Variants in ACTR3C observed in about 807,000 individuals in gnomAD.
The protein encoded by ACTR3C is actin-related protein 3C.
A neutral mutation model predicts 26.3 loss-of-function variants in ACTR3C; 18 were observed. The ratio of observed to expected loss-of-function variants is 0.68; its 90% confidence interval spans 0.47 to 1.01. ACTR3C has a LOEUF of 1.01. Among genes scored for constraint, ACTR3C ranks in the 50% least tolerant of loss-of-function variants. The probability of loss-of-function intolerance (pLI) is 0.00; values close to 1 mark genes in which losing one functional copy is unlikely to be tolerated. For synonymous variants in ACTR3C, 55 were observed against 94.5 expected (o/e 0.58, Z 2.42); for missense variants, 184 against 250.7 (o/e 0.73, Z 1.80).
the ACTR3C span, among the ~76,000 whole-genome samples, chr7:149,918,157 C>T: frequency 6.6e-6 from 1 of 151,884 alleles, no homozygotes; most frequent in Non-Finnish European, 1.5e-5. Context: ...TTCTATTTCT[C>T]CTTCTGAGTA....
the ACTR3C span, among the ~76,000 whole-genome samples, chr7:149,917,139 G>A: frequency 6.7e-6 from 1 of 149,818 alleles, no homozygotes; most frequent in African/African-American, 2.5e-5. Flanking sequence ...GCAATGGCGC[G>A]ATCTTGGCTC....
At chr7:149,914,508 G>T in the ACTR3C span, among the ~76,000 whole-genome samples, 3 of 151,568 alleles carry the variant, frequency 2.0e-5, no homozygotes, top group African/African-American at 7.3e-5. Flanking sequence ...CACAAGAATC[G>T]CGTGAGCCCT....
At chr7:150,299,767 C>G (rs1284246901) in intron 1 of ACTR3C, among the ~76,000 whole-genome samples, 1 of 151,938 alleles carries the variant, frequency 6.6e-6, no homozygotes, top group Non-Finnish European at 1.5e-5. Flanking sequence ...GCCTGGGCAA[C>G]AAGAGTTAAC....
intron 6 of ACTR3C, among the ~76,000 whole-genome samples, chr7:150,280,792 C>T (rs1222052793): frequency 7.1e-6 from 1 of 141,336 alleles, no homozygotes; most frequent in Non-Finnish European, 1.5e-5. Flanking sequence ...AATTTTCCTG[C>T]TCTTGATGTG....
chr7:149,932,729 G>C, the ACTR3C span, among the ~76,000 whole-genome samples: 1 of 144,196 alleles, frequency 6.9e-6, no homozygotes, highest in African/African-American at 2.5e-5. Context: ...GAGGGGAGGG[G>C]AGGGAAGGGG....
the ACTR3C span, among the ~76,000 whole-genome samples, chr7:150,192,786 T>A: frequency 0.023 from 3,442 of 152,322 alleles, 120 homozygotes; most frequent in African/African-American, 0.079. Flanking sequence ...CTTTTGTCCT[T>A]GAATAAGGAA....
At chr7:150,058,034 A>T in the ACTR3C span, among the ~76,000 whole-genome samples, 1 of 152,222 alleles carries the variant, frequency 6.6e-6, no homozygotes, top group African/African-American at 2.4e-5. Flanking sequence ...CTTGTCCCAG[A>T]TTCGGTGACT....
the ACTR3C span, among the ~76,000 whole-genome samples, chr7:149,949,357 G>C: frequency 7.0e-6 from 1 of 142,892 alleles, no homozygotes; most frequent in African/African-American, 3.0e-5. Flanking sequence ...GTTTGAGCGA[G>C]AGTAAGACTC....
the ACTR3C span, among the ~76,000 whole-genome samples, chr7:149,943,903 A>C: frequency 7.5e-6 from 1 of 133,016 alleles, no homozygotes; most frequent in Non-Finnish European, 1.5e-5. Context: ...CCACTTCATC[A>C]GGTTTTATGC....
At chr7:150,250,644 G>A (rs1563145281) in intron 6 of ACTR3C, among the ~76,000 whole-genome samples, 1 of 151,970 alleles carries the variant, frequency 6.6e-6, no homozygotes, top group Non-Finnish European at 1.5e-5. Context: ...GAAGCCAGTG[G>A]GTTCTGGGGG....
the ACTR3C span, among the ~76,000 whole-genome samples, chr7:150,069,932 T>A: frequency 1.3e-5 from 2 of 152,142 alleles, no homozygotes; most frequent in African/African-American, 4.8e-5. Flanking sequence ...GAAGTCCACA[T>A]GCTGAATCTC....
At chr7:150,292,740 G>A (rs1336960805) in intron 3 of ACTR3C, among the ~76,000 whole-genome samples, 1 of 152,130 alleles carries the variant, frequency 6.6e-6, no homozygotes, top group African/African-American at 2.4e-5. Flanking sequence ...CAGGTGATCC[G>A]CCCGCCTTGG....
chr7:150,005,954 A>G, the ACTR3C span, among the ~76,000 whole-genome samples: 3 of 152,170 alleles, frequency 2.0e-5, no homozygotes, highest in African/African-American at 7.2e-5. Flanking sequence ...AGTCTGCTCA[A>G]CAGAAAGCCA....
the ACTR3C span, among the ~76,000 whole-genome samples, chr7:150,092,194 A>C: frequency 7.0e-6 from 1 of 142,026 alleles, no homozygotes; most frequent in Non-Finnish European, 1.5e-5. Flanking sequence ...AGCAATATTT[A>C]CTACATGTTT....
chr7:150,149,246 G>A, the ACTR3C span, among the ~76,000 whole-genome samples: 1 of 151,330 alleles, frequency 6.6e-6, no homozygotes, highest in Admixed American at 6.6e-5. Flanking sequence ...ATTCTGGATG[G>A]ACAAACTTTT....
the ACTR3C span, among the ~76,000 whole-genome samples, chr7:150,173,370 C>T: frequency 6.9e-6 from 1 of 145,142 alleles, no homozygotes; most frequent in African/African-American, 2.8e-5. Context: ...GAGGCTACAG[C>T]CTGAGTTCTA....
the ACTR3C span, among the ~76,000 whole-genome samples, chr7:150,086,131 G>A: frequency 6.6e-6 from 1 of 152,084 alleles, no homozygotes; most frequent in Non-Finnish European, 1.5e-5. Context: ...CTACACGTGT[G>A]TGCCACCACA....
chr7:150,084,711 G>C, the ACTR3C span, among the ~76,000 whole-genome samples: 2 of 152,208 alleles, frequency 1.3e-5, no homozygotes, highest in Non-Finnish European at 2.9e-5. Context: ...CACCATTGGA[G>C]GTCAGTAAGG....
chr7:150,317,320 T>C (rs1797032586), intron 1 of ACTR3C, among the ~76,000 whole-genome samples: 3 of 152,238 alleles, frequency 2.0e-5, no homozygotes, highest in Non-Finnish European at 4.4e-5. Flanking sequence ...CCCAAAGTGC[T>C]GGGATTACAG....
Sources: allele counts gnomAD v4.1 joint callset (sites outside exome capture counted in the v4.1 genomes callset), GRCh38; gene constraint gnomAD v4.1.1; transcripts MANE v1.5; gene names NCBI Gene and HGNC (gene_info 2026-07-23, HGNC 2026-07-21).